HTR3B: variants seen among roughly 807,000 people sequenced by gnomAD.
The protein encoded by HTR3B is 5-hydroxytryptamine (serotonin) receptor 3B, ionotropic.
HTR3B carries 44 observed loss-of-function variants against 42.8 expected under a neutral mutation model. The observed-to-expected ratio is 1.03, with a 90% CI of 0.81 to 1.32. The LOEUF (loss-of-function observed/expected upper bound fraction) is 1.32. Among genes scored for constraint, HTR3B ranks in the 40% most tolerant of loss-of-function variants. The probability of loss-of-function intolerance (pLI) is 0.00; values close to 1 mark genes in which losing one functional copy is unlikely to be tolerated. For missense variants in HTR3B, 527 were observed against 536.5 expected, an observed-to-expected ratio of 0.98 and a Z score of 0.17; for synonymous variants, 203 against 209.0, an observed-to-expected ratio of 0.97 and a Z score of 0.25.
At chr11:113,934,972 G>A (rs1005838910) in intron 6 of HTR3B, among the ~76,000 whole-genome samples, 2 of 152,020 alleles carry the variant, frequency 1.3e-5, no homozygotes, top group African/African-American at 4.8e-5. Flanking sequence ...ACTGCACGGA[G>A]GAGACAAACA....
chr11:113,918,799 G>A (rs1328549389), intron 2 of HTR3B, among the ~76,000 whole-genome samples: 7 of 152,058 alleles, frequency 4.6e-5, no homozygotes, highest in Non-Finnish European at 7.4e-5. Flanking sequence ...TGGGATTACA[G>A]GCATGCGCCA....
Position 113,946,225 on chromosome 11 carries a change from G to T in HTR3B, c.*88G>T. ...TGGGTTAAAAAGCTTTCTGGGTCGGGTGTGGTGGTTCTTGCCTATAGTCCC... is the reference window on the plus strand; with the variant it reads ...TGGGTTAAAAAGCTTTCTGGGTCGGTTGTGGTGGTTCTTGCCTATAGTCCC... On this transcript the variant is annotated 3_prime_UTR_variant, in exon 9 of 9. Transcript: ENST00000260191. 2.9e-6 allele frequency: 3 copies of T among 1,044,852 alleles called. No individual in the cohort carries two copies. The East Asian group carries it at 7.4e-5, about 26-fold the overall frequency. 64.7% of individuals were successfully genotyped at this position (1,044,852 alleles called of 1,614,324 possible).
intron 2 of HTR3B, among the ~76,000 whole-genome samples, chr11:113,923,169 G>A (rs1949933027): frequency 6.6e-6 from 1 of 152,172 alleles, no homozygotes; most frequent in South Asian, 2.1e-4. Context: ...TGAAGGACTT[G>A]ATAAAAATCA....
At chr11:113,909,215 G>T in intron 1 of HTR3B, 80 bp from the exon 2 acceptor site, 1 of 1,085,764 alleles carries the variant, frequency 9.2e-7, no homozygotes, top group South Asian at 1.3e-5. Flanking sequence ...AAAAGCCACC[G>T]AGTCCTGAAC....
chr11:113,916,009 T>A (rs1459400314), intron 2 of HTR3B, among the ~76,000 whole-genome samples: 5 of 152,210 alleles, frequency 3.3e-5, no homozygotes, highest in African/African-American at 9.6e-5. Context: ...TGGCTAATTT[T>A]TGTACTTTTA....
intron 2 of HTR3B, among the ~76,000 whole-genome samples, chr11:113,914,405 A>G (rs1425738852): frequency 6.6e-6 from 1 of 150,532 alleles, no homozygotes; most frequent in Non-Finnish European, 1.5e-5. Context: ...CGGAGGTTGC[A>G]GTGAGCCGAG....
Position 113,946,035 on chromosome 11 carries a change from C to G in HTR3B, c.1224C>G (p.Leu408=). Residue 408 remains leucine, a synonymous_variant, in exon 9 of 9, where the codon CTC becomes CTG. Coordinates refer to ENST00000260191, the MANE Select transcript of HTR3B (RefSeq NM_006028.5). ...TDQQEAEWLV[L]LSRFDRLLFQ... is the part of the protein sequence containing the mutation. ...AACAGGAGGCAGAGTGGCTGGTCCT[C>G]CTGTCCCGCTTTGACCGACTGCTCT... is the stretch of plus-strand genomic sequence containing the variant. The G allele has an allele frequency of 1.2e-6, 2 of 1,614,070 alleles. No individual in the cohort carries two copies. Among genetic ancestry groups the G allele is most frequent in the Non-Finnish European group, 1.7e-6 (2 of 1,179,992 alleles).
At chr11:113,905,011 G>A (rs1949725082) in intron 1 of HTR3B, 26 bp downstream of exon 1, 2 of 1,532,030 alleles carry the variant, frequency 1.3e-6, no homozygotes, top group South Asian at 1.1e-5. Context: ...AATTTTACTA[G>A]GCATTAAGGA....
chr11:113,913,894 A>G (rs1949825006), intron 2 of HTR3B, among the ~76,000 whole-genome samples: 1 of 152,172 alleles, frequency 6.6e-6, no homozygotes, highest in South Asian at 2.1e-4. Flanking sequence ...TGGTGGCTAT[A>G]TAAGAAGAGG....
chr11:113,904,493 T>C (rs1313828220), upstream of HTR3B, among the ~76,000 whole-genome samples: 1 of 152,232 alleles, frequency 6.6e-6, no homozygotes, highest in Non-Finnish European at 1.5e-5. Flanking sequence ...AAGTCTGATT[T>C]AGAACAGCTA....
At position 113,946,104 on chromosome 11, in the gene HTR3B, G is replaced by C. The variant is rs748163581; in HGVS notation, c.1293G>C (p.Leu431=). 1 of 1,614,000 alleles carries C rather than the reference G, an allele frequency of 6.2e-7. No individual in the cohort carries two copies. Among genetic ancestry groups the C allele is most frequent in the Middle Eastern group, 1.6e-4 (1 of 6,062 alleles). Residue 431 remains leucine (L), a synonymous_variant, in exon 9 of 9, where the codon CTG becomes CTC. Coordinates refer to ENST00000260191, the MANE Select transcript of HTR3B (RefSeq NM_006028.5). The stretch of plus-strand genomic sequence containing the variant: ...TGCTGGGGATCTACACCATCACTCT[G>C]TGCTCCCTCTGGGCACTGTGGGGCG... ...LFMLGIYTIT[L]CSLWALWGGV
intron 2 of HTR3B, among the ~76,000 whole-genome samples, chr11:113,930,873 T>C (rs1260876331): frequency 6.6e-6 from 1 of 152,206 alleles, no homozygotes; most frequent in Non-Finnish European, 1.5e-5. Context: ...ACGTCTATTA[T>C]ATCATTTAAA....
At chr11:113,942,891 T>C (rs1176761) in intron 6 of HTR3B, 91 bp from the exon 7 acceptor site, 2 of 1,030,408 alleles carry the variant, frequency 1.9e-6, no homozygotes, top group Non-Finnish European at 1.5e-6. Context: ...AAACGTTGGG[T>C]CTTCGGGGAG....
chr11:113,904,979 G>T lies in HTR3B; in HGVS notation c.46G>T (p.Ala16Ser). The change falls in exon 1 of 9, where the codon GCT (alanine) becomes TCT (serine). Residue 16 changes from alanine (A) to serine (S), a missense_variant. By Grantham distance (99) the Ala-to-Ser change is moderately conservative (BLOSUM62 1). Transcript: ENST00000260191. ...MAPLWACILV[A>S]AGILATDTHH... is the part of the protein sequence containing the mutation. ...TCCCCTGTGGGCCTGCATCCTGGTGGCTGCAGGTGAGTCCTTTTAATAATT... is the reference window on the plus strand; with the variant it reads ...TCCCCTGTGGGCCTGCATCCTGGTGTCTGCAGGTGAGTCCTTTTAATAATT... 1 of 1,611,228 alleles carries T rather than the reference G, an allele frequency of 6.2e-7. No individual in the cohort carries two copies. Among genetic ancestry groups the T allele is most frequent in the Non-Finnish European group, 8.5e-7 (1 of 1,177,440 alleles).
chr11:113,903,453 G>A (rs528403296), upstream of HTR3B, among the ~76,000 whole-genome samples: 9 of 142,062 alleles, frequency 6.3e-5, no homozygotes, highest in East Asian at 2.1e-4. Context: ...TTTTTGAGGC[G>A]GAGTCTCCCT....
Position 113,944,721 on chromosome 11 carries a change from A to G in HTR3B, c.1056A>G (p.Arg352=). The G allele has an allele frequency of 6.2e-7, 1 of 1,614,158 alleles. No individual in the cohort carries two copies. The highest frequency in any genetic ancestry group is 8.5e-7 in the Non-Finnish European group (1 of 1,180,010). ...LRGDTDADRP[R]VEPRAQRAVV... is the part of the protein sequence containing the mutation. ...GGGACACCGATGCTGACAGGCCTAG[A>G]GTGGAACCCAGGGCCCAACGTGCTG... The change falls in exon 8 of 9, where the codon AGA becomes AGG. Residue 352 remains arginine, a synonymous_variant. Coordinates refer to ENST00000260191, the MANE Select transcript of HTR3B (RefSeq NM_006028.5).
At chr11:113,908,578 T>C (rs1229685937) in intron 1 of HTR3B, among the ~76,000 whole-genome samples, 1 of 152,220 alleles carries the variant, frequency 6.6e-6, no homozygotes, top group African/African-American at 2.4e-5. Context: ...GGTGCTCATT[T>C]CTCTTGCTTC....
intron 2 of HTR3B, among the ~76,000 whole-genome samples, chr11:113,921,557 T>G (rs1370006915): frequency 6.6e-6 from 1 of 151,032 alleles, no homozygotes; most frequent in Non-Finnish European, 1.5e-5. Context: ...AGGCAGAGAT[T>G]GCAGTGAGCT....
chr11:113,923,898 A>G (rs955753819), intron 2 of HTR3B, among the ~76,000 whole-genome samples: 12 of 152,204 alleles, frequency 7.9e-5, no homozygotes, highest in Non-Finnish European at 1.5e-4. Flanking sequence ...CCACCCCCAT[A>G]AAGTGTTAGA....
Sources: gnomAD v4.1 joint callset for allele counts (sites outside exome capture counted in the v4.1 genomes callset) on GRCh38, gnomAD v4.1.1 for gene constraint, MANE v1.5 for transcripts, NCBI Gene and HGNC (gene_info 2026-07-23, HGNC 2026-07-21) for gene names.